Variants in TTC8 observed in about 807,000 individuals in gnomAD.
TTC8 encodes the protein tetratricopeptide repeat protein 8.
Under a neutral mutation model 72.5 loss-of-function variants are expected in TTC8, and 47 were observed. The observed-to-expected ratio is 0.65, with a 90% CI of 0.51 to 0.83. The LOEUF (loss-of-function observed/expected upper bound fraction) is 0.83. TTC8 is among the 40% of genes least tolerant of loss of function. The pLI, the probability that TTC8 is intolerant of heterozygous loss-of-function variation, is 0.00. For missense variants in TTC8, 611 were observed against 623.2 expected, an observed-to-expected ratio of 0.98 and a Z score of 0.21; for synonymous variants, 199 against 221.4, an observed-to-expected ratio of 0.90 and a Z score of 0.90.
intron 2 of TTC8, among the ~76,000 whole-genome samples, chr14:88,834,916 G>A (rs187379668): frequency 2.6e-3 from 392 of 152,230 alleles, no homozygotes; most frequent in Non-Finnish European, 4.7e-3. Context: ...TTATTTTCCT[G>A]TTCTGTTTGT....
chr14:88,824,700 C>T lies in TTC8; in HGVS notation c.-8C>T, dbSNP rs745997453. The T allele has an allele frequency of 9.4e-6, 15 of 1,598,260 alleles. No individual in the cohort carries two copies. The highest frequency in any genetic ancestry group is 1.3e-5 in the Non-Finnish European group (15 of 1,172,116). On this transcript the variant is annotated 5_prime_UTR_variant, in exon 1 of 15. Transcript: ENST00000380656. ...AGCGCTGGGCCTTCGCTGGCCGCACCGGCAGCCATGAGCTCGGAGATGGAG... is the reference window on the plus strand; with the variant it reads ...AGCGCTGGGCCTTCGCTGGCCGCACTGGCAGCCATGAGCTCGGAGATGGAG...
At chr14:88,836,431 C>T (rs1370926253) in intron 2 of TTC8, among the ~76,000 whole-genome samples, 1 of 149,320 alleles carries the variant, frequency 6.7e-6, no homozygotes, top group African/African-American at 2.5e-5. Context: ...CACCTGAATT[C>T]TGGAGGTTGA....
In TTC8 at chr14:88,877,326, G is replaced by A. The variant is rs142073418; in HGVS notation, c.1464G>A (p.Ala488=). 2.8e-5 allele frequency: 45 copies of A among 1,613,404 alleles called. No homozygotes were observed. The African/African-American group carries it at 4.3e-4, about 15-fold the overall frequency. ...IGDLQRSYVA[A]QKSEAAFPDH... ...ATCTGCAGAGAAGCTATGTTGCTGCGCAGAAGTCTGAAGCAGCATTTCCAG... is the reference window on the plus strand; with the variant it reads ...ATCTGCAGAGAAGCTATGTTGCTGCACAGAAGTCTGAAGCAGCATTTCCAG... The change falls in exon 15 of 15, where the codon GCG becomes GCA. Residue 488 remains alanine, a synonymous_variant. Coordinates refer to ENST00000380656, the MANE Select transcript of TTC8 (RefSeq NM_144596.4).
chr14:88,861,395 A>ATTT (rs1407741515), intron 10 of TTC8, 63 bp downstream of exon 10: 90 of 1,262,334 alleles, frequency 7.1e-5, no homozygotes, highest in Non-Finnish European at 8.4e-5. Flanking sequence ...TTTTTGTGGT[A>ATTT]CATGTGATAT....
Position 88,853,647 on chromosome 14 carries a change from C to G in TTC8, c.710+591C>G, listed in dbSNP as rs555297425. ...AGAATTTGAGCTCCCTTTCTGACGCCAATTCTCTTGCTGTTTCCACAATTC... is the reference window on the plus strand; with the variant it reads ...AGAATTTGAGCTCCCTTTCTGACGCGAATTCTCTTGCTGTTTCCACAATTC... On this transcript the variant is annotated intron_variant, in intron 8 of 14. Transcript: ENST00000380656. Among the ~76,000 whole-genome samples, 3 of 152,270 alleles carry G rather than the reference C, an allele frequency of 2.0e-5. No homozygotes were observed. The East Asian group carries it at 5.8e-4, about 29-fold the overall frequency.
intron 13 of TTC8, among the ~76,000 whole-genome samples, chr14:88,874,023 G>C (rs886327962): frequency 5.9e-5 from 9 of 152,154 alleles, no homozygotes; most frequent in African/African-American, 2.2e-4. Context: ...TTTACAGACT[G>C]TTCTAAAATG....
intron 2 of TTC8, chr14:88,834,011 A>C: frequency 2.3e-6 from 1 of 431,282 alleles, no homozygotes. Flanking sequence ...ATAAAGAAGG[A>C]GGTGAGGGGA....
rs1298318333 is a variant in TTC8 at position 88,843,729 on chromosome 14, A to G, written c.580-77A>G. ...GATAGGCCCTTTTATCTATAAATCCAGGGCTTTAGAGTACTTTTGTTAACA... is the reference window on the plus strand; with the variant it reads ...GATAGGCCCTTTTATCTATAAATCCGGGGCTTTAGAGTACTTTTGTTAACA... On this transcript the variant is annotated intron_variant, in intron 6 of 14. Coordinates refer to ENST00000380656, the MANE Select transcript of TTC8 (RefSeq NM_144596.4). 4 of 1,023,094 alleles carry G rather than the reference A, an allele frequency of 3.9e-6. No individual in the cohort carries two copies. The African/African-American group carries it at 6.5e-5, about 17-fold the overall frequency. 63.4% of individuals were successfully genotyped at this position (1,023,094 alleles called of 1,614,324 possible).
Position 88,877,530 on chromosome 14 carries a change from ATTAG to A in TTC8, c.*124_*127del. The A allele has an allele frequency of 1.2e-6, 1 of 826,436 alleles. No individual in the cohort carries two copies. The highest frequency in any genetic ancestry group is 2.5e-5 in the East Asian group (1 of 40,406). 51.2% of individuals were successfully genotyped at this position (826,436 alleles called of 1,614,324 possible). Reference sequence around the variant, plus strand: ...ATATTTTAACAAACCTGTCCTTGATATTAGTTAAGGTGACACATAAGGGTGACAC... The same window carrying A: ...ATATTTTAACAAACCTGTCCTTGATATTAAGGTGACACATAAGGGTGACAC... On this transcript the variant is annotated 3_prime_UTR_variant, in exon 15 of 15. Transcript: ENST00000380656.
At chr14:88,876,072 T>G (rs1293924096) in intron 14 of TTC8, among the ~76,000 whole-genome samples, 2 of 152,120 alleles carry the variant, frequency 1.3e-5, no homozygotes, top group Non-Finnish European at 2.9e-5. Flanking sequence ...CTTAAAGAGG[T>G]TAAAAGACTT....
intron 8 of TTC8, among the ~76,000 whole-genome samples, chr14:88,856,012 A>G (rs1173780315): frequency 1.3e-5 from 2 of 152,246 alleles, no homozygotes; most frequent in Non-Finnish European, 2.9e-5. Context: ...TGAGCCCCAG[A>G]GGGCAAGGCT....
At chr14:88,841,574 A>T in intron 6 of TTC8, 60 bp downstream of exon 6, 1 of 1,352,240 alleles carries the variant, frequency 7.4e-7, no homozygotes, top group Non-Finnish European at 1.1e-6. Flanking sequence ...TGATAATGAC[A>T]AATTAGAAAA....
Position 88,848,213 on chromosome 14 carries a change from A to T in TTC8, c.624+4363A>T, listed in dbSNP as rs572801622. Among the ~76,000 whole-genome samples, 146 of 151,782 alleles carry T rather than the reference A, an allele frequency of 9.6e-4. 3 individuals are homozygous for T. The highest frequency in any genetic ancestry group is 3.1e-4 in the Non-Finnish European group (21 of 67,948). On this transcript the variant is annotated intron_variant, in intron 7 of 14. Coordinates refer to ENST00000380656, the MANE Select transcript of TTC8 (RefSeq NM_144596.4). ...AATGACCCCAAAACAGAAAATTTAC[A>T]TTAGAAAAAATGCTGGTAAATAAGC...
intron 8 of TTC8, among the ~76,000 whole-genome samples, chr14:88,855,040 A>G (rs2094849879): frequency 1.3e-5 from 2 of 152,024 alleles, no homozygotes; most frequent in South Asian, 2.1e-4. Context: ...ATTCCCTAAC[A>G]TGCTGTTTAC....
intron 10 of TTC8, among the ~76,000 whole-genome samples, chr14:88,862,905 A>G (rs1336266699): frequency 2.0e-5 from 3 of 151,840 alleles, no homozygotes; most frequent in African/African-American, 7.3e-5. Flanking sequence ...GTAGTTTTAC[A>G]ATAATTCATG....
chr14:88,870,501 C>A (rs945615484), intron 11 of TTC8, among the ~76,000 whole-genome samples: 1 of 152,174 alleles, frequency 6.6e-6, no homozygotes, highest in African/African-American at 2.4e-5. Context: ...AACTTATCAT[C>A]ATCATTGCCT....
intron 7 of TTC8, among the ~76,000 whole-genome samples, chr14:88,849,800 C>T (rs1430715883): frequency 6.6e-6 from 1 of 152,188 alleles, no homozygotes; most frequent in Non-Finnish European, 1.5e-5. Context: ...AAAACTATTT[C>T]TGCCTTTGAG....
At chr14:88,874,387 C>T (rs2094948092) in intron 13 of TTC8, among the ~76,000 whole-genome samples, 1 of 151,984 alleles carries the variant, frequency 6.6e-6, no homozygotes, top group Admixed American at 6.6e-5. Context: ...GTATAAGCAT[C>T]TCATGCTGCT....
At chr14:88,849,836 T>C (rs984424485) in intron 7 of TTC8, among the ~76,000 whole-genome samples, 2 of 152,232 alleles carry the variant, frequency 1.3e-5, no homozygotes, top group East Asian at 3.8e-4. Context: ...TTTCCCCACC[T>C]TTCCCTTTTT....
Sources: allele counts gnomAD v4.1 joint callset (sites outside exome capture counted in the v4.1 genomes callset), GRCh38; gene constraint gnomAD v4.1.1; transcripts MANE v1.5; gene names NCBI Gene and HGNC (gene_info 2026-07-23, HGNC 2026-07-21).